Variants in OR11A1 observed in about 807,000 individuals in gnomAD.
OR11A1 encodes the protein olfactory receptor 11A1.
For missense variants in OR11A1, 380 were observed against 378.2 expected (o/e 1.00, Z -0.04); for synonymous variants, 158 against 152.2 (o/e 1.04, Z -0.28).
chr6:29,449,553 G>T (rs761113270), intron 1 of OR11A1, among the ~76,000 whole-genome samples: 10 of 152,120 alleles, frequency 6.6e-5, no homozygotes, highest in Non-Finnish European at 1.5e-4. Context: ...TCCCAGTTAT[G>T]ATTTTTCTTC....
chr6:29,428,226 G>A, intron 4 of OR11A1: 1 of 985,414 alleles, frequency 1.0e-6, no homozygotes, highest in Non-Finnish European at 1.2e-6. Flanking sequence ...ACTGTTCCTC[G>A]GATAATTCTT....
intron 4 of OR11A1, chr6:29,428,313 A>G: frequency 1.0e-6 from 1 of 985,580 alleles, no homozygotes; most frequent in Non-Finnish European, 1.2e-6. Flanking sequence ...AAAATGTGGT[A>G]AATGGTAATA....
chr6:29,434,214 G>A (rs1783466678), intron 1 of OR11A1, among the ~76,000 whole-genome samples: 1 of 152,060 alleles, frequency 6.6e-6, no homozygotes, highest in African/African-American at 2.4e-5. Flanking sequence ...TGTGATTTGA[G>A]GATCATATAC....
In OR11A1 at chr6:29,427,274, C is replaced by T. The variant is rs1188530059; in HGVS notation, c.368G>A (p.Arg123His). The change falls in exon 5 of 5, where the codon CGC (arginine) becomes CAC (histidine). Residue 123 changes from arginine (R) to histidine (H), a missense_variant. Arg to His is a conservative substitution (Grantham distance 29). Coordinates refer to ENST00000377149, the MANE Select transcript of OR11A1 (RefSeq NM_001394828.1). ...GAGTGGGTAGCAAATTGCCAGGTAG[C>T]GGTCATATGCCATGACAGCCAGCAG... is the stretch of plus-strand genomic sequence containing the variant. Reference protein sequence around the residue: ...CLLLAVMAYDRYLAICYPLHY... With the variant: ...CLLLAVMAYDHYLAICYPLHY... The T allele has an allele frequency of 6.2e-7, 1 of 1,613,036 alleles. No individual in the cohort carries two copies. The highest frequency in any genetic ancestry group is 8.5e-7 in the Non-Finnish European group (1 of 1,180,008).
At chr6:29,442,361 C>A (rs1369296337) in intron 1 of OR11A1, among the ~76,000 whole-genome samples, 2 of 152,098 alleles carry the variant, frequency 1.3e-5, no homozygotes, top group Non-Finnish European at 2.9e-5. Context: ...GTGGAATAAG[C>A]TGAGAGGGTG....
chr6:29,445,042 T>G (rs371316920), intron 1 of OR11A1, among the ~76,000 whole-genome samples: 20 of 152,188 alleles, frequency 1.3e-4, no homozygotes, highest in East Asian at 9.6e-4. Context: ...ATTTTACTCT[T>G]GTTGCCCAGG....
rs1269711303 is a variant in OR11A1, at chr6:29,453,453, C to T, written c.-389+3534G>A. Among the ~76,000 whole-genome samples the T allele has an allele frequency of 6.6e-6, 1 of 152,136 alleles. No individual in the cohort carries two copies. Among genetic ancestry groups the T allele is most frequent in the African/African-American group, 2.4e-5 (1 of 41,448 alleles). On this transcript the variant is annotated intron_variant, in intron 1 of 4. Coordinates refer to ENST00000377149, the MANE Select transcript of OR11A1 (RefSeq NM_001394828.1). This position sits in a 1 kb window ranked among gnomAD's most constrained non-coding sequence, Gnocchi z 4.5. The stretch of plus-strand genomic sequence containing the variant: ...TCCTGTGAAAAGTGCTCCAGTACTA[C>T]TCCAACTTAGTTGATGGTAGTTTTG...
chr6:29,442,022 T>C (rs1210255471), intron 1 of OR11A1, among the ~76,000 whole-genome samples: 1 of 152,210 alleles, frequency 6.6e-6, no homozygotes, highest in African/African-American at 2.4e-5. Flanking sequence ...TTGTGAGGAT[T>C]TGTAGACTTG....
intron 1 of OR11A1, among the ~76,000 whole-genome samples, chr6:29,454,260 A>T (rs1176877070): frequency 6.6e-6 from 1 of 152,156 alleles, no homozygotes; most frequent in Admixed American, 6.5e-5. Context: ...AATTAAAACC[A>T]TTTTTAAAGA....
At chr6:29,434,144 G>C (rs1028003137) in intron 1 of OR11A1, among the ~76,000 whole-genome samples, 12 of 151,996 alleles carry the variant, frequency 7.9e-5, no homozygotes, top group African/African-American at 2.9e-4. Context: ...TGTTTCCTTT[G>C]CTGCGGAGAA....
chr6:29,446,748 T>C (rs1162553593), intron 1 of OR11A1, among the ~76,000 whole-genome samples: 1 of 152,082 alleles, frequency 6.6e-6, no homozygotes, highest in Non-Finnish European at 1.5e-5. Context: ...AAAACATGGT[T>C]GATAATATAC....
chr6:29,448,086 G>A (rs948133557), intron 1 of OR11A1, among the ~76,000 whole-genome samples: 7 of 133,248 alleles, frequency 5.3e-5, no homozygotes, highest in Admixed American at 3.5e-4. Context: ...GTGTGATCTC[G>A]GCTCACTGCA....
intron 1 of OR11A1, among the ~76,000 whole-genome samples, chr6:29,450,027 G>C (rs937759265): frequency 6.6e-6 from 1 of 152,224 alleles, no homozygotes; most frequent in African/African-American, 2.4e-5. Flanking sequence ...GCTGGTAACA[G>C]CGTGACTTAG....
intron 1 of OR11A1, among the ~76,000 whole-genome samples, chr6:29,442,855 A>T (rs538931189): frequency 3.2e-4 from 49 of 152,360 alleles, no homozygotes; most frequent in African/African-American, 1.2e-3. Flanking sequence ...TCTAAATCTT[A>T]TCCCCAAGCT....
At position 29,426,844 on chromosome 6, in the gene OR11A1, G is replaced by C; in HGVS notation, c.798C>G (p.Val266=). 6.2e-7 allele frequency: 1 copy of C among 1,613,128 alleles called. No homozygotes were observed. The highest frequency in any genetic ancestry group is 8.5e-7 in the Non-Finnish European group (1 of 1,180,026). Residue 266 remains valine, a synonymous_variant, in exon 5 of 5, where the codon GTC becomes GTG. Coordinates refer to ENST00000377149, the MANE Select transcript of OR11A1 (RefSeq NM_001394828.1). ...LMIFYVAPSA[V]HSQLLSKVFS... ...AGACCTTGGAGAGGAGCTGGGAATG[G>C]ACAGCAGAGGGTGCAACATAAAAGA...
chr6:29,427,131 C>A lies in OR11A1; in HGVS notation c.511G>T (p.Gly171Cys). ...VALVAQLRFC[G>C]PNHIDQFYCD... ...TAAAACTGGTCAATGTGGTTGGGGCCACAGAACCTCAGCTGGGCCACCAGG... is the reference window on the plus strand; with the variant it reads ...TAAAACTGGTCAATGTGGTTGGGGCAACAGAACCTCAGCTGGGCCACCAGG... Residue 171 changes from glycine (G) to cysteine (C), a missense_variant, in exon 5 of 5, where the codon GGC becomes TGC. Coordinates refer to ENST00000377149, the MANE Select transcript of OR11A1 (RefSeq NM_001394828.1). 6.2e-7 allele frequency: 1 copy of A among 1,612,966 alleles called. No homozygotes were observed. Among genetic ancestry groups the A allele is most frequent in the Non-Finnish European group, 8.5e-7 (1 of 1,180,006 alleles).
chr6:29,443,703 A>C (rs1300993742), intron 1 of OR11A1, among the ~76,000 whole-genome samples: 1 of 152,194 alleles, frequency 6.6e-6, no homozygotes, highest in Non-Finnish European at 1.5e-5. Flanking sequence ...GTGTATGTTT[A>C]ATTTTTTAAG....
chr6:29,440,726 C>T, intron 1 of OR11A1: 1 of 1,613,942 alleles, frequency 6.2e-7, no homozygotes, highest in Non-Finnish European at 8.5e-7. Flanking sequence ...GCAAGGCCTT[C>T]TCCACCTGCT....
chr6:29,456,851 C>A (rs1054189201), intron 1 of OR11A1, 136 bp downstream of exon 1: 3 of 152,112 alleles, frequency 2.0e-5, no homozygotes, highest in Non-Finnish European at 4.4e-5. Flanking sequence ...AGCTTAGGAT[C>A]TTTCTTTTAA....
Sources: gnomAD v4.1 joint callset for allele counts (sites outside exome capture counted in the v4.1 genomes callset) on GRCh38, gnomAD v4.1.1 for gene constraint, Gnocchi (gnomAD v3.1) non-coding constraint, MANE v1.5 for transcripts, NCBI Gene and HGNC (gene_info 2026-07-23, HGNC 2026-07-21) for gene names.